The following HHAT variants were observed in gnomAD, a reference collection of about 807,000 sequenced individuals.
The protein encoded by HHAT is protein-cysteine N-palmitoyltransferase HHAT.
In HHAT, 47 loss-of-function variants were observed where a neutral mutation model predicts 70.8. That is an observed-to-expected ratio of 0.66 (90% CI 0.53 to 0.85). HHAT has a LOEUF of 0.85. Among genes scored for constraint, HHAT ranks in the 40% least tolerant of loss-of-function variants. The pLI is 0.00. For missense variants in HHAT, 609 were observed against 604.8 expected (o/e 1.01, Z -0.07); for synonymous variants, 228 against 247.6 (o/e 0.92, Z 0.74).
intron 7 of HHAT, among the ~76,000 whole-genome samples, chr1:210,433,421 G>A (rs939586014): frequency 6.6e-6 from 1 of 151,810 alleles, no homozygotes; most frequent in Non-Finnish European, 1.5e-5. Flanking sequence ...GTACATTATT[G>A]CTCCAAAAAG....
chr1:210,359,852 G>C (rs1236463510), intron 2 of HHAT, among the ~76,000 whole-genome samples: 1 of 151,608 alleles, frequency 6.6e-6, no homozygotes, highest in Non-Finnish European at 1.5e-5. Flanking sequence ...AGGCGACAGA[G>C]CGAGACTTCT....
chr1:210,662,448 G>T (rs2148963406), intron 11 of HHAT, among the ~76,000 whole-genome samples: 1 of 152,246 alleles, frequency 6.6e-6, no homozygotes, highest in East Asian at 1.9e-4. Flanking sequence ...AGCGTCCACT[G>T]TGTTTTATAG....
intron 10 of HHAT, among the ~76,000 whole-genome samples, chr1:210,595,289 A>G (rs557771112): frequency 1.4e-3 from 207 of 152,328 alleles, no homozygotes; most frequent in Non-Finnish European, 2.0e-3. Context: ...TACAAAGGAC[A>G]TGAACTCATC....
chr1:210,587,868 A>G, intron 9 of HHAT, 30 bp from the exon 10 acceptor site: 1 of 1,581,068 alleles, frequency 6.3e-7, no homozygotes, highest in Non-Finnish European at 8.7e-7. Flanking sequence ...AGCCCTCTGT[A>G]TGTCTCCTAA....
At chr1:210,563,455 T>C (rs2095642087) in intron 9 of HHAT, among the ~76,000 whole-genome samples, 1 of 151,996 alleles carries the variant, frequency 6.6e-6, no homozygotes, top group Admixed American at 6.6e-5. Flanking sequence ...TATGGGATAG[T>C]GGGTGGAAAG....
chr1:210,649,081 A>G (rs1260568951), intron 11 of HHAT, among the ~76,000 whole-genome samples: 1 of 152,190 alleles, frequency 6.6e-6, no homozygotes, highest in Non-Finnish European at 1.5e-5. Context: ...CAACTGTATA[A>G]TCTTGGCCTC....
At chr1:210,394,764 G>GA (rs1015044085) in intron 4 of HHAT, among the ~76,000 whole-genome samples, 1 of 152,146 alleles carries the variant, frequency 6.6e-6, no homozygotes, top group Non-Finnish European at 1.5e-5. Context: ...AGGCTGCAGG[G>GA]AGCAGGGTTC....
At chr1:210,502,239 C>T (rs548251081) in intron 8 of HHAT, among the ~76,000 whole-genome samples, 12 of 151,490 alleles carry the variant, frequency 7.9e-5, no homozygotes, top group Non-Finnish European at 1.8e-4. Context: ...AAAAAATTAG[C>T]CGGGAGTGGT....
intron 9 of HHAT, among the ~76,000 whole-genome samples, chr1:210,532,195 GA>G (rs1048495986): frequency 6.6e-6 from 1 of 152,154 alleles, no homozygotes; most frequent in African/African-American, 2.4e-5. Flanking sequence ...TTTGGAAATG[GA>G]AATAGATTTT....
intron 8 of HHAT, among the ~76,000 whole-genome samples, chr1:210,484,663 G>A (rs2094448046): frequency 6.6e-6 from 1 of 152,036 alleles, no homozygotes; most frequent in African/African-American, 2.4e-5. Context: ...TCTGACTTTG[G>A]CACTTACCAG....
rs192842188 is a variant in HHAT at position 210,613,917 on chromosome 1, G to A, written c.1246-9609G>A. Among the ~76,000 whole-genome samples, 26 of 151,700 alleles carry A rather than the reference G, an allele frequency of 1.7e-4. No individual in the cohort carries two copies. In the East Asian group the frequency reaches 5.1e-3, roughly 30 times the overall value. Reference sequence around the variant, plus strand: ...CACCTGTGGTCCCAGCTTCTTAGGAGGCTGAGGTGGGAGGATTGCTTGAGC... The same window carrying A: ...CACCTGTGGTCCCAGCTTCTTAGGAAGCTGAGGTGGGAGGATTGCTTGAGC... On this transcript the variant is annotated intron_variant, in intron 10 of 11. Coordinates refer to ENST00000261458, the MANE Select transcript of HHAT (RefSeq NM_018194.6).
At chr1:210,636,049 A>T (rs1328933513) in intron 11 of HHAT, among the ~76,000 whole-genome samples, 1 of 152,212 alleles carries the variant, frequency 6.6e-6, no homozygotes, top group Non-Finnish European at 1.5e-5. Flanking sequence ...TTGATACTTT[A>T]AATATTTTAA....
chr1:210,394,786 A>G (rs895453189), intron 4 of HHAT, among the ~76,000 whole-genome samples: 4 of 152,182 alleles, frequency 2.6e-5, no homozygotes, highest in Non-Finnish European at 5.9e-5. Context: ...TTTCCAGGAC[A>G]GTCCCAAATC....
In HHAT at chr1:210,418,318, G is replaced by C; in HGVS notation, c.849G>C (p.Trp283Cys). The change falls in exon 7 of 12, where the codon TGG (tryptophan) becomes TGC (cysteine). Residue 283 changes from tryptophan (W) to cysteine (C), a missense_variant. Transcript: ENST00000261458. Reference sequence around the variant, plus strand: ...CCCTCCTGGAGACTGTCTCTTGTTGGACCTTAGGTAATTGTGGGAATCACC... The same window carrying C: ...CCCTCCTGGAGACTGTCTCTTGTTGCACCTTAGGTAATTGTGGGAATCACC... ...SIPLLETVSC[W>C]TLGGLALAQV... 2.5e-6 allele frequency: 4 copies of C among 1,582,484 alleles called. No individual in the cohort carries two copies. The highest frequency in any genetic ancestry group is 3.4e-6 in the Non-Finnish European group (4 of 1,163,294).
chr1:210,406,007 C>T (rs533299055), intron 6 of HHAT, among the ~76,000 whole-genome samples: 42 of 152,254 alleles, frequency 2.8e-4, no homozygotes, highest in Non-Finnish European at 5.4e-4. Flanking sequence ...GTTAGAAATA[C>T]AAATTCTCAG....
rs199602152 is a variant in HHAT, at chr1:210,592,058, T to C, written c.1245+3959T>C. 2.6e-5 allele frequency among the ~76,000 whole-genome samples: 4 copies of C among 152,274 alleles called. No individual in the cohort carries two copies. The East Asian group carries it at 7.7e-4, about 29-fold the overall frequency. On this transcript the variant is annotated intron_variant, in intron 10 of 11. Coordinates refer to ENST00000261458, the MANE Select transcript of HHAT (RefSeq NM_018194.6). ...TTGATGTGATCCCATTTGTCTATTT[T>C]TGCTTGGTTGCCTGTGCCTATGGGG...
chr1:210,564,330 A>G (rs1212412160), intron 9 of HHAT, among the ~76,000 whole-genome samples: 1 of 152,134 alleles, frequency 6.6e-6, no homozygotes, highest in Non-Finnish European at 1.5e-5. Flanking sequence ...AGACAGAACC[A>G]TGAGTGGTTG....
At chr1:210,543,655 CTTTGAATT>C (rs1290975712) in intron 9 of HHAT, among the ~76,000 whole-genome samples, 1 of 152,154 alleles carries the variant, frequency 6.6e-6, no homozygotes, top group Non-Finnish European at 1.5e-5. Flanking sequence ...CCAAATTTTT[CTTTGAATT>C]CATTTTTGGG....
intron 8 of HHAT, among the ~76,000 whole-genome samples, chr1:210,480,454 G>A (rs2094377019): frequency 6.6e-6 from 1 of 152,198 alleles, no homozygotes; most frequent in African/African-American, 2.4e-5. Flanking sequence ...TAGTTGCCAG[G>A]GAAGACATGG....
Sources: allele counts gnomAD v4.1 joint callset (sites outside exome capture counted in the v4.1 genomes callset), GRCh38; gene constraint gnomAD v4.1.1; transcripts MANE v1.5; gene names NCBI Gene and HGNC (gene_info 2026-07-23, HGNC 2026-07-21).